The following AGAP1 variants were observed in gnomAD, a reference collection of about 807,000 sequenced individuals.
AGAP1 encodes the protein ArfGAP with GTPase domain, ankyrin repeat and PH domain 1.
In AGAP1, 29 loss-of-function variants were observed where a neutral mutation model predicts 105.3. The ratio of observed to expected loss-of-function variants is 0.28; its 90% CI spans 0.21 to 0.38. The LOEUF is 0.38. Among genes scored for constraint, AGAP1 ranks in the 10% least tolerant of loss-of-function variants. The probability of loss-of-function intolerance (pLI) is 1.00; values close to 1 mark genes in which losing one functional copy is unlikely to be tolerated. For missense variants in AGAP1, 998 were observed against 1,165.1 expected (o/e 0.86, Z 2.09); for synonymous variants, 509 against 485.9 (o/e 1.05, Z -0.63).
At chr2:235,816,311 G>T (rs981454004) in intron 9 of AGAP1, among the ~76,000 whole-genome samples, 1 of 151,934 alleles carries the variant, frequency 6.6e-6, no homozygotes, top group Non-Finnish European at 1.5e-5. Context: ...GGTGGCGGGT[G>T]CCTGTAGTCC....
intron 1 of AGAP1, among the ~76,000 whole-genome samples, chr2:235,513,838 G>A (rs1313085010): frequency 6.6e-6 from 1 of 152,154 alleles, no homozygotes; most frequent in Admixed American, 6.5e-5. Flanking sequence ...CTGGTTTGCC[G>A]TTATGATGTC....
Position 235,610,111 on chromosome 2 carries a change from A to G in AGAP1, c.164-99068A>G, listed in dbSNP as rs1946077620. Reference sequence around the variant, plus strand: ...TTAGCTCCTAGTCACAGATATGGTGACAGGCTTGTCTCCACCATTGGAGTA... The same window carrying G: ...TTAGCTCCTAGTCACAGATATGGTGGCAGGCTTGTCTCCACCATTGGAGTA... On this transcript the variant is annotated intron_variant, in intron 1 of 17. Transcript: ENST00000304032. This position sits in a 1 kb window ranked among gnomAD's most constrained non-coding sequence, Gnocchi z 4.9. Among the ~76,000 whole-genome samples, 3 of 152,136 alleles carry G rather than the reference A, an allele frequency of 2.0e-5. No individual in the cohort carries two copies. The highest frequency in any genetic ancestry group is 7.2e-5 in the African/African-American group (3 of 41,420).
intron 16 of AGAP1, among the ~76,000 whole-genome samples, chr2:236,103,601 C>T (rs2059413595): frequency 6.7e-6 from 1 of 149,552 alleles, no homozygotes. Flanking sequence ...CAGAGTCTTG[C>T]TGTGTTGTCC....
intron 1 of AGAP1, among the ~76,000 whole-genome samples, chr2:235,603,911 T>G (rs1945825914): frequency 6.6e-6 from 1 of 152,152 alleles, no homozygotes; most frequent in Non-Finnish European, 1.5e-5. Context: ...GTTGACGGGT[T>G]GGTTGACGGT....
At chr2:236,115,220 T>C (rs2059742708) in intron 16 of AGAP1, among the ~76,000 whole-genome samples, 1 of 152,238 alleles carries the variant, frequency 6.6e-6, no homozygotes, top group South Asian at 2.1e-4. Context: ...GGTTGTTTTC[T>C]TCAGTCGTGA....
intron 1 of AGAP1, among the ~76,000 whole-genome samples, chr2:235,634,266 T>C (rs1946921038): frequency 6.6e-6 from 1 of 152,240 alleles, no homozygotes; most frequent in Non-Finnish European, 1.5e-5. Context: ...AAGCACCCAG[T>C]TCACTGTGTA....
At chr2:235,604,572 CTTTTTTTTTT>C (rs1166523228) in intron 1 of AGAP1, among the ~76,000 whole-genome samples, 13 of 69,672 alleles carry the variant, frequency 1.9e-4, no homozygotes, top group African/African-American at 6.0e-4. Context: ...TTTTTATTAT[CTTTTTTTTTT>C]TTTTTTTTTT....
rs2149224319 is a variant in AGAP1 at position 235,596,997 on chromosome 2, C to G, written c.163+102148C>G. On this transcript the variant is annotated intron_variant, in intron 1 of 17. Transcript: ENST00000304032. The surrounding 1 kb of genome is among the most constrained non-coding windows in gnomAD (Gnocchi z 5.9). Reference sequence around the variant, plus strand: ...TGACCAGTACCTTGAACTTGGACTTCCAGCTGCCAGAACTGTGAGAGGTAA... The same window carrying G: ...TGACCAGTACCTTGAACTTGGACTTGCAGCTGCCAGAACTGTGAGAGGTAA... Among the ~76,000 whole-genome samples, 1 of 152,310 alleles carries G rather than the reference C, an allele frequency of 6.6e-6. No homozygotes were observed. The highest frequency in any genetic ancestry group is 1.9e-4 in the East Asian group (1 of 5,178).
At chr2:235,762,816 T>G (rs1954564111) in intron 6 of AGAP1, among the ~76,000 whole-genome samples, 1 of 152,138 alleles carries the variant, frequency 6.6e-6, no homozygotes, top group African/African-American at 2.4e-5. Context: ...GAGGTTGTGG[T>G]GAGCTGAGAT....
intron 12 of AGAP1, 88 bp from the exon 13 acceptor site, chr2:235,968,374 G>T: frequency 6.8e-7 from 1 of 1,472,968 alleles, no homozygotes; most frequent in Non-Finnish European, 9.1e-7. Flanking sequence ...TGAGAGGAGC[G>T]TGGCTGTGCT....
intron 1 of AGAP1, among the ~76,000 whole-genome samples, chr2:235,613,219 C>T (rs1946197216): frequency 6.6e-6 from 1 of 152,122 alleles, no homozygotes; most frequent in Non-Finnish European, 1.5e-5. Context: ...TGGTCTTGAA[C>T]TCCTGGCCTC....
Position 236,001,661 on chromosome 2 carries a change from G to A in AGAP1, c.1645+33038G>A, listed in dbSNP as rs528965230. ...ACCAGGAGGCCGAGAGCGGTAGAACGTCACATCCTGGAGGGGCGGGGATTT... is the reference window on the plus strand; with the variant it reads ...ACCAGGAGGCCGAGAGCGGTAGAACATCACATCCTGGAGGGGCGGGGATTT... On this transcript the variant is annotated intron_variant, in intron 13 of 17. Transcript: ENST00000304032. This position sits in a 1 kb window ranked among gnomAD's most constrained non-coding sequence, Gnocchi z 4.7. Among the ~76,000 whole-genome samples the A allele has an allele frequency of 5.9e-5, 9 of 152,260 alleles. No individual in the cohort carries two copies. In the South Asian group the frequency reaches 1.4e-3, roughly 25 times the overall value.
chr2:235,880,715 G>A (rs1210599843), intron 9 of AGAP1, among the ~76,000 whole-genome samples: 1 of 151,794 alleles, frequency 6.6e-6, no homozygotes, highest in African/African-American at 2.4e-5. Flanking sequence ...ACTGCAGCCT[G>A]GGCGACAGAG....
intron 16 of AGAP1, among the ~76,000 whole-genome samples, chr2:236,088,765 A>G (rs2058990640): frequency 1.3e-5 from 2 of 152,194 alleles, no homozygotes; most frequent in African/African-American, 2.4e-5. Flanking sequence ...TTATGCCACA[A>G]TTGTAGCCCT....
chr2:235,714,319 G>A lies in AGAP1; in HGVS notation c.223-3238G>A, dbSNP rs1428065076. ...GCGTGAGCCACCATGCCCAGCCAGG[G>A]GTTAGGTTTCAACATATGAGTTTGG... is the stretch of plus-strand genomic sequence containing the variant. On this transcript the variant is annotated intron_variant, in intron 2 of 17. Coordinates refer to ENST00000304032, the MANE Select transcript of AGAP1 (RefSeq NM_001037131.3). This position sits in a 1 kb window ranked among gnomAD's most constrained non-coding sequence, Gnocchi z 4.1. Among the ~76,000 whole-genome samples, 1 of 151,990 alleles carries A rather than the reference G, an allele frequency of 6.6e-6. No homozygotes were observed. The highest frequency in any genetic ancestry group is 1.5e-5 in the Non-Finnish European group (1 of 68,000).
At chr2:235,668,644 A>T (rs754152935) in intron 1 of AGAP1, among the ~76,000 whole-genome samples, 26 of 152,274 alleles carry the variant, frequency 1.7e-4, no homozygotes, top group Non-Finnish European at 3.5e-4. Context: ...TAAGTTGATC[A>T]TCTATGTCTA....
intron 1 of AGAP1, among the ~76,000 whole-genome samples, chr2:235,529,579 G>A (rs766836274): frequency 1.3e-5 from 2 of 152,132 alleles, no homozygotes; most frequent in African/African-American, 2.4e-5. Flanking sequence ...GACAGCTCAC[G>A]CTCCCCACAT....
rs1363863021 is a variant in AGAP1 at position 235,919,254 on chromosome 2, G to C, written c.1324+10348G>C. Among the ~76,000 whole-genome samples the C allele has an allele frequency of 1.3e-5, 2 of 152,220 alleles. No individual in the cohort carries two copies. The highest frequency in any genetic ancestry group is 4.1e-4 in the South Asian group (2 of 4,834). ...CTTCTGGTTCTTCCAGGCTAGAGTTGAGTCCGTGGCTTCCCTGCTTCCTGC... is the reference window on the plus strand; with the variant it reads ...CTTCTGGTTCTTCCAGGCTAGAGTTCAGTCCGTGGCTTCCCTGCTTCCTGC... On this transcript the variant is annotated intron_variant, in intron 11 of 17. Coordinates refer to ENST00000304032, the MANE Select transcript of AGAP1 (RefSeq NM_001037131.3). The surrounding 1 kb of genome is among the most constrained non-coding windows in gnomAD (Gnocchi z 4.1).
intron 1 of AGAP1, among the ~76,000 whole-genome samples, chr2:235,641,807 G>A (rs1457639624): frequency 1.3e-5 from 2 of 152,166 alleles, no homozygotes; most frequent in East Asian, 1.9e-4. Flanking sequence ...TCAGTATTCT[G>A]TGTCCTCTCC....
Sources: allele counts gnomAD v4.1 joint callset (sites outside exome capture counted in the v4.1 genomes callset), GRCh38; gene constraint gnomAD v4.1.1; non-coding constraint Gnocchi (gnomAD v3.1); transcripts MANE v1.5; gene names NCBI Gene and HGNC (gene_info 2026-07-23, HGNC 2026-07-21).